The following CAMTA1 variants were observed in gnomAD, a reference collection of about 807,000 sequenced individuals.
CAMTA1 encodes calmodulin-binding transcription activator 1.
In CAMTA1, 27 loss-of-function variants were observed where a neutral mutation model predicts 170.9. That is an observed-to-expected ratio of 0.16 (90% CI 0.12 to 0.22). The LOEUF is 0.22. CAMTA1 is among the 10% of genes least tolerant of loss of function. The pLI is 1.00. For missense variants in CAMTA1, 1,619 were observed against 2,217.2 expected (o/e 0.73, Z 5.42); for synonymous variants, 833 against 891.5 (o/e 0.93, Z 1.17).
chr1:7,417,337 C>T (rs1329788667), intron 5 of CAMTA1, among the ~76,000 whole-genome samples: 1 of 152,260 alleles, frequency 6.6e-6, no homozygotes, highest in Non-Finnish European at 1.5e-5. Flanking sequence ...GCAGAGGTTA[C>T]TGCTATCTTT....
intron 3 of CAMTA1, among the ~76,000 whole-genome samples, chr1:7,039,416 C>T (rs1240086038): frequency 6.6e-6 from 1 of 152,138 alleles, no homozygotes; most frequent in Non-Finnish European, 1.5e-5. Context: ...CTTGTGTTGT[C>T]CTTAATTAAG....
chr1:7,393,468 G>A (rs1423526234), intron 5 of CAMTA1, among the ~76,000 whole-genome samples: 2 of 151,904 alleles, frequency 1.3e-5, no homozygotes, highest in African/African-American at 2.4e-5. Flanking sequence ...TGTAGAGATA[G>A]GGTCTCCCTA....
chr1:6,925,606 T>A (rs1360257947), intron 3 of CAMTA1, among the ~76,000 whole-genome samples: 2 of 151,392 alleles, frequency 1.3e-5, no homozygotes, highest in Admixed American at 1.3e-4. Context: ...GAGGGAGGGG[T>A]CTCTGCCCTC....
chr1:7,049,063 A>G (rs917183183), intron 3 of CAMTA1, among the ~76,000 whole-genome samples: 1 of 152,226 alleles, frequency 6.6e-6, no homozygotes, highest in South Asian at 2.1e-4. Context: ...ACATGAGGAA[A>G]ATGCTGCTGA....
At chr1:7,386,367 C>T (rs561930872) in intron 5 of CAMTA1, among the ~76,000 whole-genome samples, 5 of 152,300 alleles carry the variant, frequency 3.3e-5, no homozygotes, top group South Asian at 4.1e-4. Context: ...ATGCAGTGTC[C>T]GGAAGACTTG....
At chr1:7,608,872 C>G (rs796587104) in intron 6 of CAMTA1, among the ~76,000 whole-genome samples, 6 of 152,208 alleles carry the variant, frequency 3.9e-5, no homozygotes, top group African/African-American at 1.4e-4. Flanking sequence ...AGGGGCTCTT[C>G]AAGAAGGGCC....
intron 11 of CAMTA1, among the ~76,000 whole-genome samples, chr1:7,706,098 A>G (rs1463217866): frequency 6.6e-6 from 1 of 152,240 alleles, no homozygotes; most frequent in Admixed American, 6.5e-5. Flanking sequence ...AAATGATGAT[A>G]TTCTTGCAGA....
chr1:7,107,854 C>A (rs550462240), intron 4 of CAMTA1, among the ~76,000 whole-genome samples: 1 of 152,320 alleles, frequency 6.6e-6, no homozygotes, highest in East Asian at 1.9e-4. Flanking sequence ...TGTCCCACTG[C>A]ACCCATCAAG....
chr1:7,731,716 CA>C (rs1262115240), intron 11 of CAMTA1, among the ~76,000 whole-genome samples: 9 of 151,796 alleles, frequency 5.9e-5, no homozygotes, highest in Non-Finnish European at 1.3e-4. Context: ...AAAACAAAAA[CA>C]AAAACAAAAA....
At chr1:7,670,147 G>C (rs1050597245) in intron 9 of CAMTA1, among the ~76,000 whole-genome samples, 2 of 152,310 alleles carry the variant, frequency 1.3e-5, no homozygotes, top group Middle Eastern at 3.4e-3. Flanking sequence ...CATGGTCACT[G>C]CTTGCTTGTG....
chr1:7,671,816 T>C (rs77914680), intron 10 of CAMTA1, among the ~76,000 whole-genome samples: 7,048 of 152,248 alleles, frequency 0.046, 557 homozygotes, highest in East Asian at 0.26. Flanking sequence ...CAACTTGTCA[T>C]TGATCTCTGG....
chr1:7,423,489 A>AG (rs971776471), intron 5 of CAMTA1, among the ~76,000 whole-genome samples: 2 of 151,388 alleles, frequency 1.3e-5, no homozygotes, highest in Non-Finnish European at 2.9e-5. Flanking sequence ...AAAAAAAAAA[A>AG]AGAACCAGCA....
intron 4 of CAMTA1, among the ~76,000 whole-genome samples, chr1:7,126,881 C>T (rs530036613): frequency 3.5e-4 from 54 of 152,300 alleles, no homozygotes; most frequent in African/African-American, 1.2e-3. Flanking sequence ...TGCCATTCTC[C>T]TGCCTCAGCC....
rs1354068085 is a variant in CAMTA1 at position 7,041,081 on chromosome 1, G to C, written c.235-50223G>C. Reference sequence around the variant, plus strand: ...GCAGGAGGCGGAGGGCCCTTATGCTGCCCTGGCATTTTGGAGGAGCAGGGA... The same window carrying C: ...GCAGGAGGCGGAGGGCCCTTATGCTCCCCTGGCATTTTGGAGGAGCAGGGA... On this transcript the variant is annotated intron_variant, in intron 3 of 22. Transcript: ENST00000303635. This position sits in a 1 kb window ranked among gnomAD's most constrained non-coding sequence, Gnocchi z 5.1. 6.6e-6 allele frequency among the ~76,000 whole-genome samples: 1 copy of C among 152,218 alleles called. No individual in the cohort carries two copies. The highest frequency in any genetic ancestry group is 2.4e-5 in the African/African-American group (1 of 41,464).
At chr1:7,708,995 G>C (rs2096548805) in intron 11 of CAMTA1, among the ~76,000 whole-genome samples, 1 of 152,090 alleles carries the variant, frequency 6.6e-6, no homozygotes, top group Non-Finnish European at 1.5e-5. Flanking sequence ...CATACATCAT[G>C]TTTCACTCTC....
chr1:7,584,585 G>T (rs565243051), intron 6 of CAMTA1, among the ~76,000 whole-genome samples: 1 of 152,162 alleles, frequency 6.6e-6, no homozygotes, highest in Non-Finnish European at 1.5e-5. Context: ...TTAAGTACCC[G>T]CTCTGGGGTA....
intron 6 of CAMTA1, among the ~76,000 whole-genome samples, chr1:7,579,338 G>A (rs1477514859): frequency 1.3e-5 from 2 of 152,324 alleles, no homozygotes; most frequent in South Asian, 2.1e-4. Context: ...AGCAACAACC[G>A]TCACGATGGT....
At chr1:7,578,833 G>C (rs1001538432) in intron 6 of CAMTA1, among the ~76,000 whole-genome samples, 1 of 152,186 alleles carries the variant, frequency 6.6e-6, no homozygotes, top group Non-Finnish European at 1.5e-5. Flanking sequence ...GTGTATGGGG[G>C]CACAGCCCTT....
intron 3 of CAMTA1, among the ~76,000 whole-genome samples, chr1:7,078,718 AT>A (rs1639634612): frequency 6.6e-6 from 1 of 152,260 alleles, no homozygotes; most frequent in Non-Finnish European, 1.5e-5. Flanking sequence ...ATTTTCAGCT[AT>A]TAGATGATCG....
Sources: allele counts gnomAD v4.1 joint callset (sites outside exome capture counted in the v4.1 genomes callset), GRCh38; gene constraint gnomAD v4.1.1; non-coding constraint Gnocchi (gnomAD v3.1); transcripts MANE v1.5; gene names NCBI Gene and HGNC (gene_info 2026-07-23, HGNC 2026-07-21).